Variants in KCNJ12 observed in about 807,000 individuals in gnomAD.
KCNJ12 encodes ATP-sensitive inward rectifier potassium channel 12.
In KCNJ12, 2 loss-of-function variants were observed where a neutral mutation model predicts 22.3. That is an observed-to-expected ratio of 0.09 (90% CI 0.04 to 0.28). The LOEUF is 0.28. KCNJ12 is among the 10% of genes least tolerant of loss of function. KCNJ12 has a pLI of 1.00. For missense variants in KCNJ12, 155 were observed against 633.3 expected, an observed-to-expected ratio of 0.24 and a Z score of 8.11; for synonymous variants, 117 against 261.4, an observed-to-expected ratio of 0.45 and a Z score of 5.33.
chr17:21,403,203 C>A (rs782186337), intron 1 of KCNJ12, among the ~76,000 whole-genome samples: 2,315 of 151,962 alleles, frequency 0.015, no homozygotes, highest in Middle Eastern at 0.065. Context: ...CTGGCTGAGG[C>A]TCTGAGGTGT....
intron 1 of KCNJ12, among the ~76,000 whole-genome samples, chr17:21,389,572 A>G (rs1283021194): frequency 6.6e-6 from 1 of 152,078 alleles, no homozygotes; most frequent in Non-Finnish European, 1.5e-5. Context: ...TCATTCACTT[A>G]ACTTTGGGGA....
At chr17:21,389,045 C>T (rs1010552099) in intron 1 of KCNJ12, among the ~76,000 whole-genome samples, 1 of 152,204 alleles carries the variant, frequency 6.6e-6, no homozygotes. Flanking sequence ...CCTCTCTGAA[C>T]CTCATTTCCC....
chr17:21,396,197 GC>G, intron 1 of KCNJ12, among the ~76,000 whole-genome samples: 1 of 152,302 alleles, frequency 6.6e-6, no homozygotes, highest in East Asian at 1.9e-4. Flanking sequence ...ACTTGCTGAG[GC>G]TAGAGCTGAG....
chr17:21,405,523 C>T (rs529302594), intron 1 of KCNJ12, among the ~76,000 whole-genome samples: 6 of 152,362 alleles, frequency 3.9e-5, no homozygotes, highest in African/African-American at 1.2e-4. Context: ...GCAGGCGACA[C>T]CAGCCTCGTT....
chr17:21,403,882 G>A (rs1905777244), intron 1 of KCNJ12, among the ~76,000 whole-genome samples: 1 of 152,296 alleles, frequency 6.6e-6, no homozygotes, highest in African/African-American at 2.4e-5. Context: ...AGGAAGGGAT[G>A]GAGACAGGAT....
chr17:21,379,030 C>A (rs1555557611), intron 1 of KCNJ12, among the ~76,000 whole-genome samples: 1 of 152,204 alleles, frequency 6.6e-6, no homozygotes, highest in East Asian at 1.9e-4. Flanking sequence ...GCTTACCCCA[C>A]CAGCCTTCCT....
chr17:21,380,214 G>A (rs1210283608), intron 1 of KCNJ12, among the ~76,000 whole-genome samples: 1 of 152,210 alleles, frequency 6.6e-6, no homozygotes, highest in African/African-American at 2.4e-5. Flanking sequence ...GCACAGAGTA[G>A]GTGCCCAGTA....
At chr17:21,387,636 T>A (rs1218344215) in intron 1 of KCNJ12, among the ~76,000 whole-genome samples, 2 of 151,856 alleles carry the variant, frequency 1.3e-5, no homozygotes, top group Admixed American at 1.3e-4. Flanking sequence ...TGTCGGAGGG[T>A]GTGGGAGATG....
rs1555562970 is a variant in KCNJ12, at chr17:21,416,523, G to C, written c.1181G>C (p.Gly394Ala). The change falls in exon 3 of 3, where the codon GGA becomes GCA. Residue 394 changes from glycine to alanine, a missense_variant. Coordinates refer to ENST00000583088, the MANE Select transcript of KCNJ12 (RefSeq NM_021012.5). ...CGTGACGAGGAGGATGAGGCGGACGGAGACCAGGACGGCCGAAGCCGGGAC... is the reference window on the plus strand; with the variant it reads ...CGTGACGAGGAGGATGAGGCGGACGCAGACCAGGACGGCCGAAGCCGGGAC... The part of the protein sequence containing the change: ...LSRDEEDEAD[G>A]DQDGRSRDGL... The C allele has an allele frequency of 6.2e-7, 1 of 1,612,634 alleles. No homozygotes were observed. Among genetic ancestry groups the C allele is most frequent in the African/African-American group, 1.3e-5 (1 of 75,078 alleles).
At chr17:21,384,441 G>A (rs1292550558) in intron 1 of KCNJ12, among the ~76,000 whole-genome samples, 8 of 152,164 alleles carry the variant, frequency 5.3e-5, no homozygotes, top group Non-Finnish European at 8.8e-5. Context: ...TGCCTCCTTC[G>A]TCACATCCCT....
chr17:21,397,813 G>A (rs1459006337), intron 1 of KCNJ12, among the ~76,000 whole-genome samples: 4 of 152,214 alleles, frequency 2.6e-5, no homozygotes, highest in African/African-American at 7.2e-5. Context: ...CAGCTCCCCT[G>A]GCAGCCCTCA....
At chr17:21,411,037 T>C (rs1337001545) in intron 2 of KCNJ12, among the ~76,000 whole-genome samples, 1 of 152,422 alleles carries the variant, frequency 6.6e-6, no homozygotes, top group Non-Finnish European at 1.5e-5. Flanking sequence ...TCCGAGTCCC[T>C]ATGTCTTACC....
intron 1 of KCNJ12, among the ~76,000 whole-genome samples, chr17:21,392,487 G>C (rs1331828381): frequency 2.0e-5 from 3 of 152,256 alleles, no homozygotes; most frequent in South Asian, 2.1e-4. Flanking sequence ...GCAGGGGGCA[G>C]GGGCCCAGCT....
chr17:21,388,352 G>A (rs1044958124), intron 1 of KCNJ12, among the ~76,000 whole-genome samples: 16 of 152,190 alleles, frequency 1.1e-4, no homozygotes, highest in African/African-American at 3.4e-4. Flanking sequence ...TTGCCTGCGC[G>A]TGGAGCCCGA....
At chr17:21,405,923 A>C (rs1408417714) in intron 1 of KCNJ12, among the ~76,000 whole-genome samples, 2 of 152,298 alleles carry the variant, frequency 1.3e-5, no homozygotes, top group African/African-American at 4.8e-5. Flanking sequence ...AATAGAGCTA[A>C]TTTTGCCTTC....
At chr17:21,383,093 A>T (rs1428579056) in intron 1 of KCNJ12, among the ~76,000 whole-genome samples, 3 of 152,098 alleles carry the variant, frequency 2.0e-5, no homozygotes, top group Non-Finnish European at 2.9e-5. Flanking sequence ...AGAAGGGAGC[A>T]TGTGGAGACT....
intron 1 of KCNJ12, among the ~76,000 whole-genome samples, chr17:21,395,216 G>A (rs891768522): frequency 4.7e-5 from 7 of 148,680 alleles, no homozygotes; most frequent in African/African-American, 7.4e-5. Context: ...GATCACCTGA[G>A]CCCAGGAGTT....
intron 1 of KCNJ12, among the ~76,000 whole-genome samples, chr17:21,391,951 G>A (rs1597561744): frequency 1.3e-5 from 2 of 152,366 alleles, no homozygotes; most frequent in South Asian, 4.1e-4. Context: ...GCGTTGCATG[G>A]CTCCAGGCTA....
intron 1 of KCNJ12, among the ~76,000 whole-genome samples, chr17:21,392,862 A>G (rs1555559471): frequency 6.6e-6 from 1 of 152,206 alleles, no homozygotes; most frequent in African/African-American, 2.4e-5. Flanking sequence ...GGCATAGGCC[A>G]TATAGCTGTG....
Sources: allele counts gnomAD v4.1 joint callset (sites outside exome capture counted in the v4.1 genomes callset), GRCh38; gene constraint gnomAD v4.1.1; transcripts MANE v1.5; gene names NCBI Gene and HGNC (gene_info 2026-07-23, HGNC 2026-07-21).